Variants in DDX20 observed in about 807,000 individuals in gnomAD.
The protein encoded by DDX20 is probable ATP-dependent RNA helicase DDX20.
In DDX20, 61 loss-of-function variants were observed where a neutral mutation model predicts 76.4. The observed-to-expected ratio is 0.80, with a 90% confidence interval of 0.65 to 0.99. The LOEUF is 0.99. Ranked by LOEUF, DDX20 falls within the 50% of genes least tolerant of loss-of-function variation. The probability of loss-of-function intolerance (pLI) is 0.00; values close to 1 mark genes in which losing one functional copy is unlikely to be tolerated. For missense variants in DDX20, 976 were observed against 996.8 expected (o/e 0.98, Z 0.28); for synonymous variants, 357 against 357.4 (o/e 1.00, Z 0.01).
chr1:111,756,794 G>A, intron 2 of DDX20, 54 bp downstream of exon 2: 1 of 1,406,602 alleles, frequency 7.1e-7, no homozygotes, highest in South Asian at 1.2e-5. Flanking sequence ...TTTACCACAG[G>A]TCAGATGAAA....
chr1:111,759,397 TAGA>T lies in DDX20; in HGVS notation c.397-2_397del. The T allele has an allele frequency of 1.3e-6, 2 of 1,597,680 alleles. No homozygotes were observed. Among genetic ancestry groups the T allele is most frequent in the Admixed American group, 1.8e-5 (1 of 56,246 alleles). On this transcript the variant is annotated splice_acceptor_variant and coding_sequence_variant, in exon 3 of 11. Coordinates refer to ENST00000369702, the MANE Select transcript of DDX20 (RefSeq NM_007204.5). LOFTEE classifies it high-confidence loss of function. Reference sequence around the variant, plus strand: ...AAAGGTGTAATTTATGGTTTTTTTTTAGATTTTGATCTTGGCTCCTACAAGAGA... The same window carrying T: ...AAAGGTGTAATTTATGGTTTTTTTTTTTTTGATCTTGGCTCCTACAAGAGA...
In DDX20 at chr1:111,766,709, T is replaced by C. The variant is rs85276; in HGVS notation, c.2285T>C (p.Ile762Thr). 213,036 of 1,613,870 alleles carry C rather than the reference T, an allele frequency of 0.13. 17,321 individuals carry two copies. The highest frequency in any genetic ancestry group is 0.38 in the African/African-American group (28,610 of 74,914). The change falls in exon 11 of 11, where the codon ATA (isoleucine) becomes ACA (threonine). Residue 762 changes from isoleucine (I) to threonine (T), a missense_variant. Physicochemically the swap from Ile to Thr is moderately conservative, Grantham distance 89. Transcript: ENST00000369702. ...GATTGGTATGACTGTCATAGGGAAA[T>C]ACGTCTGAGTTTTTCTGATACCTAT... ...EDDWYDCHRE[I>T]RLSFSDTYQD...
rs1352320737 is a variant in DDX20 at position 111,766,004 on chromosome 1, T to A, written c.1580T>A (p.Ile527Lys). ...PVKSHSECGI[I>K]EKATSPKELG... ...AAAAGCCACTCAGAATGTGGAATCA[T>A]AGAAAAAGCAACGTCACCAAAAGAA... The change falls in exon 11 of 11, where the codon ATA becomes AAA. Residue 527 changes from isoleucine (I) to lysine (K), a missense_variant. This residue lies in a region of DDX20 where 630 missense variants were observed against 693.7 expected (regional missense o/e 0.91). Coordinates refer to ENST00000369702, the MANE Select transcript of DDX20 (RefSeq NM_007204.5). 6.2e-7 allele frequency: 1 copy of A among 1,613,982 alleles called. No individual in the cohort carries two copies. Among genetic ancestry groups the A allele is most frequent in the African/African-American group, 1.3e-5 (1 of 74,900 alleles).
At chr1:111,762,385 T>G (rs1327718506) in intron 8 of DDX20, 48 bp downstream of exon 8, 1 of 1,410,378 alleles carries the variant, frequency 7.1e-7, no homozygotes, top group Non-Finnish European at 1.0e-6. Context: ...TGACATATGT[T>G]CTATTATCAG....
At chr1:111,762,589 T>A in intron 8 of DDX20, 88 bp from the exon 9 acceptor site, 1 of 1,183,024 alleles carries the variant, frequency 8.5e-7, no homozygotes, top group Non-Finnish European at 1.2e-6. Context: ...AATTTGTCTC[T>A]TGACTGTACT....
intron 3 of DDX20, 183 bp from the exon 4 acceptor site, chr1:111,760,291 G>A (rs1032162426): frequency 6.2e-6 from 3 of 482,094 alleles, no homozygotes; most frequent in African/African-American, 6.1e-5. Flanking sequence ...GGAAAACAAT[G>A]AGTTTAGTCA....
chr1:111,766,285 G>GA lies in DDX20; in HGVS notation c.1862dup (p.Asp621GlufsTer14). ...CATCAGGCACTACACAGGCCCTGGGGATCAGACTGTGAATCCTCAAAATGG... is the reference window on the plus strand; with the variant it reads ...CATCAGGCACTACACAGGCCCTGGGGAATCAGACTGTGAATCCTCAAAATGG... On this transcript the variant is annotated frameshift_variant, in exon 11 of 11. Coordinates refer to ENST00000369702, the MANE Select transcript of DDX20 (RefSeq NM_007204.5). LOFTEE classifies it high-confidence loss of function. 3 of 1,614,158 alleles carry GA rather than the reference G, an allele frequency of 1.9e-6. No homozygotes were observed. The highest frequency in any genetic ancestry group is 2.5e-6 in the Non-Finnish European group (3 of 1,180,022).
At chr1:111,756,415 A>C (rs1286022014) in intron 1 of DDX20, among the ~76,000 whole-genome samples, 190 bp downstream of exon 1, 1 of 152,198 alleles carries the variant, frequency 6.6e-6, no homozygotes, top group Non-Finnish European at 1.5e-5. Flanking sequence ...ATTGAACTTG[A>C]GGATAGTTAA....
rs373138700 is a variant in DDX20, at chr1:111,766,497, T to C, written c.2073T>C (p.Asp691=). 8.7e-6 allele frequency: 14 copies of C among 1,614,054 alleles called. No individual in the cohort carries two copies. In the African/African-American group the frequency reaches 1.9e-4, roughly 22 times the overall value. ...QLKDSESTPV[D]DRISLEQPPN... ...AAGACTCTGAATCTACGCCTGTGGA[T>C]GATCGTATTTCTTTGGAACAACCAC... Residue 691 remains aspartate (D), a synonymous_variant, in exon 11 of 11, where the codon GAT becomes GAC. Coordinates refer to ENST00000369702, the MANE Select transcript of DDX20 (RefSeq NM_007204.5).
Position 111,766,020 on chromosome 1 carries a change from A to G in DDX20, c.1596A>G (p.Ser532=). 15 of 1,614,222 alleles carry G rather than the reference A, an allele frequency of 9.3e-6. No individual in the cohort carries two copies. Among genetic ancestry groups the G allele is most frequent in the Non-Finnish European group, 1.2e-5 (14 of 1,180,038 alleles). Residue 532 remains serine, a synonymous_variant, in exon 11 of 11, where the codon TCA becomes TCG. Transcript: ENST00000369702. ...SECGIIEKAT[S]PKELGCDRQS... is the part of the protein sequence containing the mutation. ...GTGGAATCATAGAAAAAGCAACGTC[A>G]CCAAAAGAACTGGGCTGTGACAGGC...
chr1:111,757,399 C>A (rs1025442497), intron 2 of DDX20, among the ~76,000 whole-genome samples: 1 of 152,186 alleles, frequency 6.6e-6, no homozygotes, highest in Non-Finnish European at 1.5e-5. Context: ...GATCTCCCAT[C>A]TTCCAGGTTG....
Position 111,759,973 on chromosome 1 carries a change from CAA to C in DDX20, c.565+426_565+427del, listed in dbSNP as rs754870294. 6.8e-3 allele frequency among the ~76,000 whole-genome samples: 393 copies of C among 57,594 alleles called. 2 individuals carry two copies. The highest frequency in any genetic ancestry group is 0.022 in the African/African-American group (370 of 17,176). 37.8% of individuals were successfully genotyped at this position (57,594 alleles called of 152,430 possible). A position where few individuals can be genotyped will look rare whatever the true frequency, so the allele number is the denominator to read the frequency against. On this transcript the variant is annotated intron_variant, in intron 3 of 10. Coordinates refer to ENST00000369702, the MANE Select transcript of DDX20 (RefSeq NM_007204.5). ...TGGGTGACAGAGCGAGACTCCATCT[CAA>C]AAAAAAAAAAAAAAAAAAAAGAAAT...
intron 3 of DDX20, 104 bp from the exon 4 acceptor site, chr1:111,760,370 A>G: frequency 1.3e-6 from 1 of 787,664 alleles, no homozygotes; most frequent in Non-Finnish European, 2.1e-6. Context: ...GAATCAGGAA[A>G]TTCAGCAGAA....
At position 111,762,408 on chromosome 1, in the gene DDX20, C is replaced by A; in HGVS notation, c.1104+71C>A. Reference sequence around the variant, plus strand: ...GTTCTATTATCAGATGTACAGATTTCATATATTATTTTATGTAGGCGTATC... The same window carrying A: ...GTTCTATTATCAGATGTACAGATTTAATATATTATTTTATGTAGGCGTATC... On this transcript the variant is annotated intron_variant, in intron 8 of 10. Transcript: ENST00000369702. 4.8e-6 allele frequency: 6 copies of A among 1,261,360 alleles called. 1 individual carries two copies. The Middle Eastern group carries it at 9.5e-4, about 200-fold the overall frequency. The allele number at this position is 1,261,360 out of a possible 1,614,324, so 78.1% of individuals were successfully genotyped here. A position where few individuals can be genotyped will look rare whatever the true frequency, so the allele number is the denominator to read the frequency against.
chr1:111,764,050 C>G (rs184524456), intron 10 of DDX20, among the ~76,000 whole-genome samples: 4 of 151,942 alleles, frequency 2.6e-5, no homozygotes, highest in African/African-American at 9.7e-5. Flanking sequence ...GAGGCTGAGG[C>G]GGGCGGATGA....
intron 7 of DDX20, chr1:111,762,054 T>C: frequency 2.1e-6 from 1 of 479,702 alleles, no homozygotes; most frequent in Non-Finnish European, 3.7e-6. Context: ...ATTTTTGAAT[T>C]TCAAGTTGAT....
chr1:111,762,586 C>T (rs1360114541), intron 8 of DDX20, 91 bp from the exon 9 acceptor site: 5 of 1,154,102 alleles, frequency 4.3e-6, no homozygotes, highest in Non-Finnish European at 6.3e-6. Context: ...CTTAATTTGT[C>T]TCTTGACTGT....
Position 111,759,461 on chromosome 1 carries a change from T to C in DDX20, c.458T>C (p.Ile153Thr), listed in dbSNP as rs756864058. Residue 153 changes from isoleucine to threonine, a missense_variant, in exon 3 of 11, where the codon ATT (isoleucine) becomes ACT (threonine). By Grantham distance (89) the Ile-to-Thr change is moderately conservative. Around this residue, in one of 3 missense-constraint regions of DDX20, gnomAD observed 343 missense variants for 286.4 expected, o/e 1.20. Transcript: ENST00000369702. The stretch of plus-strand genomic sequence containing the variant: ...CAGATACATTCTGTTATTACAGCCA[T>C]TGGAATAAAAATGGAAGGCTTAGAG... ...AVQIHSVITA[I>T]GIKMEGLECH... The C allele has an allele frequency of 3.1e-6, 5 of 1,613,710 alleles. No individual in the cohort carries two copies. The highest frequency in any genetic ancestry group is 1.1e-5 in the South Asian group (1 of 91,056).
chr1:111,759,362 C>T (rs1320978023), intron 2 of DDX20, 38 bp from the exon 3 acceptor site: 1 of 1,507,396 alleles, frequency 6.6e-7, no homozygotes, highest in Non-Finnish European at 9.1e-7. Context: ...TGTATTTATT[C>T]CTCTGACTCA....
Sources: gnomAD v4.1 joint callset for allele counts (sites outside exome capture counted in the v4.1 genomes callset) on GRCh38, gnomAD v4.1.1 for gene constraint, gnomAD v4.1.1 regional missense constraint, MANE v1.5 for transcripts, NCBI Gene and HGNC (gene_info 2026-07-23, HGNC 2026-07-21) for gene names.